The following SRRD variants were observed in gnomAD, a reference collection of about 807,000 sequenced individuals.
SRRD encodes SRR1-like protein.
SRRD carries 28 observed loss-of-function variants against 30.7 expected under a neutral mutation model. The ratio of observed to expected loss-of-function variants is 0.91; its 90% CI spans 0.68 to 1.25. The LOEUF is 1.25. Among genes scored for constraint, SRRD ranks in the 50% most tolerant of loss-of-function variants. The pLI, the probability that SRRD is intolerant of heterozygous loss-of-function variation, is 0.00. For missense variants in SRRD, 415 were observed against 417.3 expected, an observed-to-expected ratio of 0.99 and a Z score of 0.05; for synonymous variants, 161 against 159.6, an observed-to-expected ratio of 1.01 and a Z score of -0.07.
intron 2 of SRRD, among the ~76,000 whole-genome samples, chr22:26,486,877 T>C (rs891250169): frequency 1.3e-5 from 2 of 152,038 alleles, no homozygotes; most frequent in Admixed American, 6.5e-5. Context: ...AGCCAGTTTT[T>C]CCTGGCTTGG....
chr22:26,492,781 C>CGGCGA lies in SRRD; in HGVS notation c.*1109_*1110insGGCGA. 5.3e-6 allele frequency: 1 copy of CGGCGA among 188,406 alleles called. No individual in the cohort carries two copies. Among genetic ancestry groups the CGGCGA allele is most frequent in the Non-Finnish European group, 1.1e-5 (1 of 88,780 alleles). The allele number at this position is 188,406 out of a possible 1,614,324, so 11.7% of individuals were successfully genotyped here. ...CCATACTGGCTTTATTTTTAACCTACCCACACAGGGCCCCCATCCTGAAAG... is the reference window on the plus strand; with the variant it reads ...CCATACTGGCTTTATTTTTAACCTACGGCGACCACACAGGGCCCCCATCCTGAAAG... On this transcript the variant is annotated 3_prime_UTR_variant, in exon 7 of 7. Coordinates refer to ENST00000215917, the MANE Select transcript of SRRD (RefSeq NM_001013694.3).
chr22:26,485,987 G>A (rs767755177), intron 1 of SRRD, 36 bp from the exon 2 acceptor site: 2 of 1,614,022 alleles, frequency 1.2e-6, no homozygotes, highest in Admixed American at 3.3e-5. Context: ...CCCTGAGATG[G>A]GTGGGACATG....
chr22:26,492,527 C>G lies in SRRD; in HGVS notation c.*855C>G. 1.6e-6 allele frequency: 1 copy of G among 639,276 alleles called. No individual in the cohort carries two copies. The highest frequency in any genetic ancestry group is 2.7e-6 in the Non-Finnish European group (1 of 366,952). 39.6% of individuals were successfully genotyped at this position (639,276 alleles called of 1,614,324 possible). Reference sequence around the variant, plus strand: ...ACAACTTTGGAGGAAGTTTAGACGACTGGCCAGTATCACATAAAAACTGTT... The same window carrying G: ...ACAACTTTGGAGGAAGTTTAGACGAGTGGCCAGTATCACATAAAAACTGTT... On this transcript the variant is annotated 3_prime_UTR_variant, in exon 7 of 7. Transcript: ENST00000215917.
Position 26,491,755 on chromosome 22 carries a change from G to C in SRRD, c.*83G>C. 7.8e-7 allele frequency: 1 copy of C among 1,289,512 alleles called. No individual in the cohort carries two copies. Among genetic ancestry groups the C allele is most frequent in the Non-Finnish European group, 1.1e-6 (1 of 930,730 alleles). 79.9% of individuals were successfully genotyped at this position (1,289,512 alleles called of 1,614,324 possible). On this transcript the variant is annotated 3_prime_UTR_variant, in exon 7 of 7. Transcript: ENST00000215917. ...GGAAGGCTGCTATGGAGGAACTACA[G>C]AGAACTCCTTTGCCAGGAAAGAACA...
rs373728190 is a variant in SRRD, at chr22:26,486,033, T to C, written c.220T>C (p.Phe74Leu). The change falls in exon 2 of 7, where the codon TTT (phenylalanine) becomes CTT (leucine). Residue 74 changes from phenylalanine (F) to leucine (L), a missense_variant. Physicochemically the swap from Phe to Leu is conservative, Grantham distance 22 (BLOSUM62 0). Transcript: ENST00000215917. ...RRIWEAEKDL[F>L]ISDFWSSALE... ...TTTTTTTCTCAACAGGAAGGACCTGTTTATCTCTGATTTCTGGAGTTCAGC... is the reference window on the plus strand; with the variant it reads ...TTTTTTTCTCAACAGGAAGGACCTGCTTATCTCTGATTTCTGGAGTTCAGC... The C allele has an allele frequency of 1.1e-5, 18 of 1,614,042 alleles. No individual in the cohort carries two copies. The highest frequency in any genetic ancestry group is 1.5e-5 in the Non-Finnish European group (18 of 1,180,022).
intron 1 of SRRD, among the ~76,000 whole-genome samples, chr22:26,485,311 A>T (rs930145111): frequency 6.6e-6 from 1 of 152,228 alleles, no homozygotes; most frequent in Non-Finnish European, 1.5e-5. Flanking sequence ...ATTCCTGTGT[A>T]CATCAGAACT....
At chr22:26,489,938 G>A (rs1043919014) in intron 4 of SRRD, 106 bp from the exon 5 acceptor site, 39 of 1,315,172 alleles carry the variant, frequency 3.0e-5, no homozygotes, top group Non-Finnish European at 3.9e-5. Flanking sequence ...TTTTCCTTTT[G>A]ATCCTTTAGT....
chr22:26,491,440 T>A, intron 6 of SRRD, 23 bp from the exon 7 acceptor site: 1 of 1,588,882 alleles, frequency 6.3e-7, no homozygotes, highest in Non-Finnish European at 8.6e-7. Context: ...CTGAAGTTTT[T>A]ATACTTGAAT....
chr22:26,483,975 CGGAGGGA>C lies in SRRD; in HGVS notation c.88_94del (p.Glu31ArgfsTer51). 1 of 1,355,750 alleles carries C rather than the reference CGGAGGGA, an allele frequency of 7.4e-7. No homozygotes were observed. Among genetic ancestry groups the C allele is most frequent in the East Asian group, 3.1e-5 (1 of 31,846 alleles). The allele number at this position is 1,355,750 out of a possible 1,614,324, so 84.0% of individuals were successfully genotyped here. ...GCGCTCCGCGGCTCGACGGCCGCGG[CGGAGGGA>C]GGCGGCGCCCCGGGGGAGAGAGGCG... On this transcript the variant is annotated frameshift_variant, in exon 1 of 7. Transcript: ENST00000215917. LOFTEE classifies it high-confidence loss of function.
At chr22:26,486,744 G>A (rs2091711388) in intron 2 of SRRD, among the ~76,000 whole-genome samples, 1 of 152,242 alleles carries the variant, frequency 6.6e-6, no homozygotes, top group African/African-American at 2.4e-5. Flanking sequence ...CCAAACTTAG[G>A]ATGATCTTCT....
In SRRD at chr22:26,492,190, G is replaced by T; in HGVS notation, c.*518G>T. On this transcript the variant is annotated 3_prime_UTR_variant, in exon 7 of 7. Transcript: ENST00000215917. ...AGACAATGTTGTGCTCCTCAGCCTT[G>T]GTCTCAATGAGGTCCTTAAAGTTCA... is the stretch of plus-strand genomic sequence containing the variant. 6.2e-7 allele frequency: 1 copy of T among 1,614,206 alleles called. No homozygotes were observed. The highest frequency in any genetic ancestry group is 8.5e-7 in the Non-Finnish European group (1 of 1,180,032).
chr22:26,487,983 G>C (rs753914913), intron 2 of SRRD, 46 bp from the exon 3 acceptor site: 2 of 1,557,730 alleles, frequency 1.3e-6, no homozygotes, highest in Non-Finnish European at 1.7e-6. Flanking sequence ...TGGTTCACAG[G>C]GTCAGAACAT....
At position 26,493,433 on chromosome 22, in the gene SRRD, T is replaced by TA. The variant is rs1378642105; in HGVS notation, c.*1762dup. 1 of 152,288 alleles carries TA rather than the reference T, an allele frequency of 6.6e-6. No individual in the cohort carries two copies. Among genetic ancestry groups the TA allele is most frequent in the Non-Finnish European group, 1.5e-5 (1 of 68,090 alleles). The allele number at this position is 152,288 out of a possible 1,614,324, so 9.4% of individuals were successfully genotyped here. A position where few individuals can be genotyped will look rare whatever the true frequency, so the allele number is the denominator to read the frequency against. On this transcript the variant is annotated 3_prime_UTR_variant, in exon 7 of 7. Transcript: ENST00000215917. Reference sequence around the variant, plus strand: ...AACAGGCTCTCAGCCTCGCTGGGCTTATCTGTAAAACACAGACTAGACGAT... The same window carrying TA: ...AACAGGCTCTCAGCCTCGCTGGGCTTAATCTGTAAAACACAGACTAGACGAT...
At chr22:26,484,921 C>A (rs1417596064) in intron 1 of SRRD, among the ~76,000 whole-genome samples, 1 of 152,122 alleles carries the variant, frequency 6.6e-6, no homozygotes, top group Non-Finnish European at 1.5e-5. Context: ...TCCGAAGGGC[C>A]GTCACAAGGG....
rs1201971917 is a variant in SRRD at position 26,491,561 on chromosome 22, A to G, written c.909A>G (p.Leu303=). The G allele has an allele frequency of 1.2e-6, 2 of 1,614,054 alleles. No individual in the cohort carries two copies. Among genetic ancestry groups the G allele is most frequent in the African/African-American group, 1.3e-5 (1 of 74,936 alleles). ...TSVHWFPVQK[L]EQLSIDIWEF... ...TCCACTGGTTCCCTGTGCAAAAGCT[A>G]GAACAGCTCTCCATAGATATTTGGG... Residue 303 remains leucine (L), a synonymous_variant, in exon 7 of 7, where the codon CTA becomes CTG. Transcript: ENST00000215917.
chr22:26,490,974 T>TC, intron 5 of SRRD, 51 bp from the exon 6 acceptor site: 1 of 1,507,850 alleles, frequency 6.6e-7, no homozygotes, highest in South Asian at 1.1e-5. Context: ...TCCTCATACC[T>TC]CCTAATCATG....
In SRRD at chr22:26,491,636, C is replaced by T. The variant is rs765290140; in HGVS notation, c.984C>T (p.Ile328=). 1.5e-5 allele frequency: 25 copies of T among 1,613,298 alleles called. No individual in the cohort carries two copies. The Admixed American group carries it at 3.2e-4, about 20-fold the overall frequency. The change falls in exon 7 of 7, where the codon ATC becomes ATT. Residue 328 remains isoleucine, a synonymous_variant. Transcript: ENST00000215917. ...DYQDCEDLEI[I]RNKREDPSAT... is the part of the protein sequence containing the mutation. ...AGGACTGTGAGGACCTTGAAATCAT[C>T]AGGAACAAGAGAGAAGATCCTTCTG...
At chr22:26,484,295 G>A (rs2091641810) in intron 1 of SRRD, among the ~76,000 whole-genome samples, 196 bp downstream of exon 1, 1 of 152,112 alleles carries the variant, frequency 6.6e-6, no homozygotes, top group Non-Finnish European at 1.5e-5. Flanking sequence ...CTTTTATTAC[G>A]GTTACAGCTG....
Position 26,488,278 on chromosome 22 carries a change from A to G in SRRD, c.500A>G (p.Glu167Gly), listed in dbSNP as rs754622116. Residue 167 changes from glutamate (E) to glycine (G), a missense_variant, in exon 3 of 7, where the codon GAA (glutamate) becomes GGA (glycine). Physicochemically the swap from Glu to Gly is moderately conservative, Grantham distance 98. Coordinates refer to ENST00000215917, the MANE Select transcript of SRRD (RefSeq NM_001013694.3). ...NQLTFLLLLL[E>G]KCQIPRSHCW... Reference sequence around the variant, plus strand: ...CTAACGTTTTTGCTGCTTTTGTTGGAAAAGTGCCAGGTACATTTTTGGATT... The same window carrying G: ...CTAACGTTTTTGCTGCTTTTGTTGGGAAAGTGCCAGGTACATTTTTGGATT... 9.3e-6 allele frequency: 15 copies of G among 1,613,718 alleles called. No individual in the cohort carries two copies. The East Asian group carries it at 2.9e-4, about 31-fold the overall frequency.
Sources: gnomAD v4.1 joint callset for allele counts (sites outside exome capture counted in the v4.1 genomes callset) on GRCh38, gnomAD v4.1.1 for gene constraint, MANE v1.5 for transcripts, NCBI Gene and HGNC (gene_info 2026-07-23, HGNC 2026-07-21) for gene names.